The following CADM2 variants were observed in gnomAD, a reference collection of about 807,000 sequenced individuals.
CADM2 encodes cell adhesion molecule 2.
In CADM2, 12 loss-of-function variants were observed where a neutral mutation model predicts 49.8. The observed-to-expected ratio is 0.24, with a 90% confidence interval of 0.15 to 0.39. CADM2 has a LOEUF of 0.39. Ranked by LOEUF, CADM2 falls within the 10% of genes least tolerant of loss-of-function variation. CADM2 has a pLI of 1.00. For synonymous variants in CADM2, 214 were observed against 175.4 expected (o/e 1.22, Z -1.74); for missense variants, 378 against 492.3 (o/e 0.77, Z 2.20).
intron 1 of CADM2, among the ~76,000 whole-genome samples, chr3:85,424,538 C>T (rs1449191967): frequency 6.6e-6 from 1 of 152,036 alleles, no homozygotes; most frequent in African/African-American, 2.4e-5. Context: ...CAGCATCACC[C>T]CAATTGATGG....
At chr3:85,009,336 G>A (rs1019138038) in intron 1 of CADM2, among the ~76,000 whole-genome samples, 4 of 152,196 alleles carry the variant, frequency 2.6e-5, no homozygotes, top group African/African-American at 9.6e-5. Flanking sequence ...AAAATATACA[G>A]GTAATTTGGT....
chr3:85,513,311 C>T (rs2060816865), intron 1 of CADM2, among the ~76,000 whole-genome samples: 1 of 151,816 alleles, frequency 6.6e-6, no homozygotes, highest in Non-Finnish European at 1.5e-5. Context: ...TCCTGCAATG[C>T]TGAAAGGGAA....
intron 6 of CADM2, among the ~76,000 whole-genome samples, chr3:85,928,546 G>A (rs1341525443): frequency 1.3e-5 from 2 of 151,848 alleles, no homozygotes; most frequent in Non-Finnish European, 2.9e-5. Context: ...TCAGACAAAG[G>A]TAAAGCAATA....
At chr3:85,270,700 G>A (rs2043220668) in intron 1 of CADM2, among the ~76,000 whole-genome samples, 1 of 151,120 alleles carries the variant, frequency 6.6e-6, no homozygotes, top group African/African-American at 2.4e-5. Flanking sequence ...TCGAATATCT[G>A]GTTCCCATTG....
chr3:85,290,337 T>A (rs1277694107), intron 1 of CADM2, among the ~76,000 whole-genome samples: 1 of 152,072 alleles, frequency 6.6e-6, no homozygotes, highest in Non-Finnish European at 1.5e-5. Flanking sequence ...GAGATCAAAC[T>A]GCAAGGCCGC....
intron 5 of CADM2, among the ~76,000 whole-genome samples, chr3:85,891,752 A>C (rs1714461744): frequency 6.6e-6 from 1 of 152,228 alleles, no homozygotes; most frequent in Admixed American, 6.5e-5. Flanking sequence ...TAGTGAGAAC[A>C]TGGGGACATC....
At chr3:85,409,623 A>T (rs540896955) in intron 1 of CADM2, among the ~76,000 whole-genome samples, 1 of 152,252 alleles carries the variant, frequency 6.6e-6, no homozygotes, top group South Asian at 2.1e-4. Flanking sequence ...GCTAATTTTG[A>T]AAGCGTACTG....
At position 85,850,794 on chromosome 3, in the gene CADM2, G is replaced by A. The variant is rs188281702; in HGVS notation, c.239-32497G>A. 9.3e-4 allele frequency among the ~76,000 whole-genome samples: 141 copies of A among 152,288 alleles called. 1 individual carries two copies. The highest frequency in any genetic ancestry group is 3.2e-3 in the African/African-American group (134 of 41,552). On this transcript the variant is annotated intron_variant, in intron 3 of 9. Transcript: ENST00000383699. Reference sequence around the variant, plus strand: ...TTTATTTTATAAGTTTAATCTTAGTGTTTTGAGTAAGCTTTGTGAAAGCAA... The same window carrying A: ...TTTATTTTATAAGTTTAATCTTAGTATTTTGAGTAAGCTTTGTGAAAGCAA...
At chr3:85,253,452 T>A (rs1234413145) in intron 1 of CADM2, among the ~76,000 whole-genome samples, 1 of 152,060 alleles carries the variant, frequency 6.6e-6, no homozygotes, top group East Asian at 1.9e-4. Flanking sequence ...CAAGTTCACT[T>A]TTGACAATTC....
intron 1 of CADM2, among the ~76,000 whole-genome samples, chr3:85,140,498 A>T (rs2039545518): frequency 6.6e-6 from 1 of 152,200 alleles, no homozygotes; most frequent in Non-Finnish European, 1.5e-5. Context: ...AAACACAGCT[A>T]GATTCTCAAA....
intron 8 of CADM2, among the ~76,000 whole-genome samples, chr3:86,064,816 G>T (rs1030578813): frequency 7.2e-5 from 11 of 152,272 alleles, no homozygotes; most frequent in African/African-American, 2.4e-4. Context: ...CCTAGTAAAT[G>T]CAGAACATGA....
intron 1 of CADM2, among the ~76,000 whole-genome samples, chr3:85,565,876 A>G (rs2062239192): frequency 1.7e-5 from 2 of 116,546 alleles, no homozygotes; most frequent in African/African-American, 5.0e-5. Context: ...GTTTTCTTTT[A>G]ACTTACACTT....
intron 1 of CADM2, among the ~76,000 whole-genome samples, chr3:85,420,574 A>AT (rs1164894681): frequency 1.3e-5 from 2 of 151,962 alleles, no homozygotes; most frequent in East Asian, 1.9e-4. Context: ...ATCAGGGCAT[A>AT]TTTTTTTTCT....
At position 85,617,118 on chromosome 3, in the gene CADM2, A is replaced by G. The variant is rs113145784; in HGVS notation, c.62-109404A>G. On this transcript the variant is annotated intron_variant, in intron 1 of 9. Coordinates refer to ENST00000383699, the MANE Select transcript of CADM2 (RefSeq NM_001167675.2). ...GACGCCAGCTGGGGTCCTCTAATCCAATTCCCTCACTATCTACCTGAAGAT... is the reference window on the plus strand; with the variant it reads ...GACGCCAGCTGGGGTCCTCTAATCCGATTCCCTCACTATCTACCTGAAGAT... Among the ~76,000 whole-genome samples, 594 of 152,108 alleles carry G rather than the reference A, an allele frequency of 3.9e-3. 3 individuals carry two copies. Among genetic ancestry groups the G allele is most frequent in the African/African-American group, 0.013 (532 of 41,504 alleles).
intron 8 of CADM2, among the ~76,000 whole-genome samples, chr3:86,026,013 A>G (rs975982043): frequency 1.3e-5 from 2 of 152,146 alleles, no homozygotes; most frequent in South Asian, 2.1e-4. Flanking sequence ...TTATATGCTT[A>G]TATGAAAATA....
intron 1 of CADM2, among the ~76,000 whole-genome samples, chr3:85,114,200 G>GAATA (rs2038560984): frequency 1.3e-5 from 2 of 151,988 alleles, no homozygotes; most frequent in Non-Finnish European, 2.9e-5. Context: ...TGTGTGTTAG[G>GAATA]GGCTGGATGG....
chr3:85,046,320 C>CTTTA (rs2035652071), intron 1 of CADM2, among the ~76,000 whole-genome samples: 1 of 122,846 alleles, frequency 8.1e-6, no homozygotes, highest in East Asian at 2.3e-4. Context: ...TTACAATTTT[C>CTTTA]TTTTTTTTTT....
intron 1 of CADM2, among the ~76,000 whole-genome samples, chr3:85,559,960 CATAA>C (rs903397118): frequency 7.9e-5 from 12 of 152,208 alleles, no homozygotes; most frequent in African/African-American, 2.4e-4. Context: ...AAGAAAATAA[CATAA>C]ATAAGTTCAT....
At chr3:86,034,148 AG>A (rs1734888232) in intron 8 of CADM2, among the ~76,000 whole-genome samples, 1 of 151,962 alleles carries the variant, frequency 6.6e-6, no homozygotes, top group Non-Finnish European at 1.5e-5. Context: ...TCTGATTCAA[AG>A]GAAGTCTCAT....
Sources: gnomAD v4.1 joint callset for allele counts (sites outside exome capture counted in the v4.1 genomes callset) on GRCh38, gnomAD v4.1.1 for gene constraint, MANE v1.5 for transcripts, NCBI Gene and HGNC (gene_info 2026-07-23, HGNC 2026-07-21) for gene names.